TMEM132B: variants seen among roughly 807,000 people sequenced by gnomAD.
TMEM132B encodes the protein transmembrane protein 132B.
A neutral mutation model predicts 90.8 loss-of-function variants in TMEM132B; 18 were observed. The ratio of observed to expected loss-of-function variants is 0.20; its 90% confidence interval spans 0.14 to 0.29. The LOEUF is 0.29. Among genes scored for constraint, TMEM132B ranks in the 10% least tolerant of loss-of-function variants. The pLI, the probability that TMEM132B is intolerant of heterozygous loss-of-function variation, is 1.00. For synonymous variants in TMEM132B, 504 were observed against 523.3 expected, an observed-to-expected ratio of 0.96 and a Z score of 0.50; for missense variants, 1,096 against 1,326.8, an observed-to-expected ratio of 0.83 and a Z score of 2.70.
chr12:125,489,346 G>C (rs961172609), intron 3 of TMEM132B, among the ~76,000 whole-genome samples: 1 of 151,704 alleles, frequency 6.6e-6, no homozygotes, highest in African/African-American at 2.4e-5. Flanking sequence ...TGTGTTGTTA[G>C]TATAAATATT....
At chr12:125,570,936 G>C (rs1433197299) in intron 4 of TMEM132B, among the ~76,000 whole-genome samples, 2 of 152,318 alleles carry the variant, frequency 1.3e-5, no homozygotes, top group East Asian at 3.9e-4. Flanking sequence ...AGCAGCTGGA[G>C]TGGAACACAC....
At chr12:125,616,737 C>G (rs375971325) in intron 5 of TMEM132B, among the ~76,000 whole-genome samples, 1 of 152,060 alleles carries the variant, frequency 6.6e-6, no homozygotes, top group Admixed American at 6.6e-5. Flanking sequence ...GTTCCCCCAC[C>G]CAATTCATGT....
At chr12:125,301,603 G>A (rs1875825335) in intron 1 of TMEM132B, 1 of 152,440 alleles carries the variant, frequency 6.6e-6, no homozygotes, top group Admixed American at 6.5e-5. Context: ...GTCTGGCTGG[G>A]CGCGGTGGCT....
At chr12:125,347,554 T>C (rs1282794197) in intron 1 of TMEM132B, among the ~76,000 whole-genome samples, 1 of 152,212 alleles carries the variant, frequency 6.6e-6, no homozygotes, top group East Asian at 1.9e-4. Context: ...TTTTGCAGAA[T>C]TTTTAATGGC....
In TMEM132B at chr12:125,541,807, C is replaced by G. The variant is rs1017598786; in HGVS notation, c.1293+22182C>G. Among the ~76,000 whole-genome samples, 13 of 151,188 alleles carry G rather than the reference C, an allele frequency of 8.6e-5. No homozygotes were observed. The South Asian group carries it at 1.3e-3, about 15-fold the overall frequency. On this transcript the variant is annotated intron_variant, in intron 4 of 8. Coordinates refer to ENST00000682704, the MANE Select transcript of TMEM132B (RefSeq NM_001366854.1). ...GGCCGAGGCTGATGGATCACGAGGT[C>G]AGGAGATCGAGACCATCCTGGCTAA...
At chr12:125,237,069 C>A (rs1873953421) in intron 1 of TMEM132B, among the ~76,000 whole-genome samples, 1 of 152,248 alleles carries the variant, frequency 6.6e-6, no homozygotes, top group South Asian at 2.1e-4. Context: ...GGATATTGAT[C>A]CATTGGCCTT....
At chr12:125,228,652 T>A (rs1873738085) in intron 1 of TMEM132B, among the ~76,000 whole-genome samples, 1 of 152,118 alleles carries the variant, frequency 6.6e-6, no homozygotes, top group Admixed American at 6.5e-5. Flanking sequence ...GGGGACATGG[T>A]GCATGGAGGG....
At chr12:125,419,734 C>T (rs150885536) in intron 3 of TMEM132B, among the ~76,000 whole-genome samples, 437 of 152,320 alleles carry the variant, frequency 2.9e-3, no homozygotes, top group Middle Eastern at 0.01. Context: ...ACTCAAAAGT[C>T]CACAGTTCAA....
chr12:125,648,195 T>C lies in TMEM132B; in HGVS notation c.1644-2488T>C, dbSNP rs180859181. ...TGCGATAGTTTACTGAGAATGATGGTTTCCAATTTCATCCATGTCCCTACA... is the reference window on the plus strand; with the variant it reads ...TGCGATAGTTTACTGAGAATGATGGCTTCCAATTTCATCCATGTCCCTACA... On this transcript the variant is annotated intron_variant, in intron 6 of 8. Coordinates refer to ENST00000682704, the MANE Select transcript of TMEM132B (RefSeq NM_001366854.1). Among the ~76,000 whole-genome samples the C allele has an allele frequency of 6.9e-3, 1,055 of 152,124 alleles. 1 individual carries two copies. The highest frequency in any genetic ancestry group is 0.034 in the Middle Eastern group (10 of 294).
chr12:125,586,114 G>A (rs1885173697), intron 5 of TMEM132B: 3 of 152,200 alleles, frequency 2.0e-5, no homozygotes, highest in Non-Finnish European at 4.4e-5. Flanking sequence ...AGCACCCTTT[G>A]GAGAGATCCT....
chr12:125,281,462 G>A lies in TMEM132B; in HGVS notation c.68-67990G>A, dbSNP rs115156110. On this transcript the variant is annotated intron_variant, in intron 1 of 8. Transcript: ENST00000682704. ...AAACCAGGCTTCGAAAGCCCACCCCGGTGGCTTTGAATCAGTTTTCCCCTC... is the reference window on the plus strand; with the variant it reads ...AAACCAGGCTTCGAAAGCCCACCCCAGTGGCTTTGAATCAGTTTTCCCCTC... Among the ~76,000 whole-genome samples, 1,077 of 152,252 alleles carry A rather than the reference G, an allele frequency of 7.1e-3. 14 individuals carry two copies. The highest frequency in any genetic ancestry group is 0.025 in the African/African-American group (1,033 of 41,550).
intron 1 of TMEM132B, among the ~76,000 whole-genome samples, chr12:125,287,899 A>G (rs1288992883): frequency 1.3e-5 from 2 of 151,754 alleles, no homozygotes; most frequent in African/African-American, 4.8e-5. Context: ...ACAGTGTCTC[A>G]CTCTGTCGCC....
At chr12:125,482,807 G>T (rs1038169431) in intron 3 of TMEM132B, among the ~76,000 whole-genome samples, 1 of 152,158 alleles carries the variant, frequency 6.6e-6, no homozygotes, top group African/African-American at 2.4e-5. Flanking sequence ...TATGTTTATT[G>T]CGGCACTATT....
At position 125,445,639 on chromosome 12, in the gene TMEM132B, A is replaced by G. The variant is rs1001100544; in HGVS notation, c.1106+29962A>G. Among the ~76,000 whole-genome samples, 3 of 152,172 alleles carry G rather than the reference A, an allele frequency of 2.0e-5. No homozygotes were observed. Among genetic ancestry groups the G allele is most frequent in the African/African-American group, 7.2e-5 (3 of 41,434 alleles). On this transcript the variant is annotated intron_variant, in intron 3 of 8. Transcript: ENST00000682704. The surrounding 1 kb of genome is among the most constrained non-coding windows in gnomAD (Gnocchi z 4.3). ...CACTCCACCCCAGCTGTGAACCCTG[A>G]GCGTGTGATCCCTTGGCAAGCTCAC... is the stretch of plus-strand genomic sequence containing the variant.
intron 2 of TMEM132B, among the ~76,000 whole-genome samples, chr12:125,395,092 T>C (rs1183589543): frequency 6.6e-6 from 1 of 152,196 alleles, no homozygotes; most frequent in Non-Finnish European, 1.5e-5. Context: ...GATGTATGTA[T>C]ATGTGCATGT....
intron 1 of TMEM132B, among the ~76,000 whole-genome samples, chr12:125,306,395 G>A (rs766541597): frequency 6.6e-6 from 1 of 152,182 alleles, no homozygotes; most frequent in Non-Finnish European, 1.5e-5. Flanking sequence ...TTCTCTGACT[G>A]TCTACATGAC....
intron 3 of TMEM132B, among the ~76,000 whole-genome samples, chr12:125,494,497 A>C (rs546015507): frequency 5.0e-4 from 55 of 109,900 alleles, no homozygotes; most frequent in African/African-American, 1.8e-3. Flanking sequence ...TCTTCCCTGG[A>C]AATGGCCATG....
At chr12:125,568,563 T>C (rs1026597967) in intron 4 of TMEM132B, among the ~76,000 whole-genome samples, 1 of 152,194 alleles carries the variant, frequency 6.6e-6, no homozygotes, top group Non-Finnish European at 1.5e-5. Context: ...ACAGCCTCAC[T>C]CTGCCGCCTT....
chr12:125,312,080 C>T (rs1876137616), intron 1 of TMEM132B, among the ~76,000 whole-genome samples: 1 of 152,214 alleles, frequency 6.6e-6, no homozygotes, highest in African/African-American at 2.4e-5. Flanking sequence ...GCTCCCAGCT[C>T]CAGCCAACTG....
Sources: gnomAD v4.1 joint callset for allele counts (sites outside exome capture counted in the v4.1 genomes callset) on GRCh38, gnomAD v4.1.1 for gene constraint, Gnocchi (gnomAD v3.1) non-coding constraint, MANE v1.5 for transcripts, NCBI Gene and HGNC (gene_info 2026-07-23, HGNC 2026-07-21) for gene names.